RAB3IL1: variants seen among roughly 807,000 people sequenced by gnomAD.
The protein encoded by RAB3IL1 is RAB3A interacting protein like 1.
RAB3IL1 carries 37 observed loss-of-function variants against 49.2 expected under a neutral mutation model. The ratio of observed to expected loss-of-function variants is 0.75; its 90% CI spans 0.58 to 0.99. The LOEUF is 0.99. Ranked by LOEUF, RAB3IL1 falls within the 50% of genes least tolerant of loss-of-function variation. RAB3IL1 has a pLI of 0.00. For missense variants in RAB3IL1, 484 were observed against 513.0 expected (o/e 0.94, Z 0.55); for synonymous variants, 193 against 213.9 (o/e 0.90, Z 0.85).
At chr11:61,945,130 G>T in the RAB3IL1 span, among the ~76,000 whole-genome samples, 3 of 152,186 alleles carry the variant, frequency 2.0e-5, no homozygotes, top group African/African-American at 7.2e-5. Flanking sequence ...TCAGCCCATT[G>T]ACCTGACAGA....
the RAB3IL1 span, among the ~76,000 whole-genome samples, chr11:61,941,745 C>T: frequency 1.3e-5 from 2 of 151,766 alleles, no homozygotes; most frequent in African/African-American, 4.8e-5. Flanking sequence ...GAGCAAGACT[C>T]TGTCTCAAAA....
intron 1 of RAB3IL1, among the ~76,000 whole-genome samples, chr11:61,914,151 G>A (rs1939580223): frequency 6.6e-6 from 1 of 152,230 alleles, no homozygotes; most frequent in Non-Finnish European, 1.5e-5. Context: ...TTACAGGCAG[G>A]AGCCCACAGA....
Position 61,907,644 on chromosome 11 carries a change from T to A in RAB3IL1, c.281A>T (p.Asp94Val). 6.2e-7 allele frequency: 1 copy of A among 1,613,930 alleles called. No homozygotes were observed. Among genetic ancestry groups the A allele is most frequent in the Non-Finnish European group, 8.5e-7 (1 of 1,179,984 alleles). ...HRAQKELKLK[D>V]EECERLSKVR... is the part of the protein sequence containing the mutation. ...CTTGGACAGCCGCTCACATTCCTCG[T>A]CCTTTAGCTTCAGCTCCTGGAGGAA... The change falls in exon 3 of 10, where the codon GAC becomes GTC. Residue 94 changes from aspartate (D) to valine (V), a missense_variant. Transcript: ENST00000394836.
chr11:61,939,480 A>T, the RAB3IL1 span, among the ~76,000 whole-genome samples: 2 of 152,140 alleles, frequency 1.3e-5, no homozygotes, highest in African/African-American at 4.8e-5. Context: ...AAAGTAGAAT[A>T]AACTAAACCC....
At chr11:61,902,663 C>T in intron 7 of RAB3IL1, 122 bp from the exon 8 acceptor site, 1 of 892,726 alleles carries the variant, frequency 1.1e-6, no homozygotes, top group Non-Finnish European at 1.7e-6. Context: ...CTCCCTTCCC[C>T]CACCCGGCTT....
intron 1 of RAB3IL1, among the ~76,000 whole-genome samples, chr11:61,910,851 G>C (rs1044295719): frequency 6.6e-6 from 1 of 152,236 alleles, no homozygotes; most frequent in African/African-American, 2.4e-5. Flanking sequence ...AGGCTGGGCT[G>C]GGGGCTGCTC....
chr11:61,934,444 G>GTATGTGTA, the RAB3IL1 span, among the ~76,000 whole-genome samples: 63 of 83,654 alleles, frequency 7.5e-4, no homozygotes, highest in African/African-American at 6.9e-4. Context: ...GTGTGTGTGT[G>GTATGTGTA]TGTATGTATA....
At position 61,902,422 on chromosome 11, in the gene RAB3IL1, G is replaced by A. The variant is rs779084807; in HGVS notation, c.999+20C>T. On this transcript the variant is annotated intron_variant, in intron 8 of 9. Coordinates refer to ENST00000394836, the MANE Select transcript of RAB3IL1 (RefSeq NM_013401.4). ...GGTGGCCCCAAAGGAGTCAAGTAAC[G>A]CTTGCAAAGGCTGACTCACCCTGGC... is the stretch of plus-strand genomic sequence containing the variant. The A allele has an allele frequency of 4.5e-6, 7 of 1,570,354 alleles. No homozygotes were observed. Among genetic ancestry groups the A allele is most frequent in the Middle Eastern group, 1.7e-4 (1 of 6,004 alleles).
the RAB3IL1 span, among the ~76,000 whole-genome samples, chr11:61,946,185 G>A: frequency 6.6e-6 from 1 of 152,022 alleles, no homozygotes; most frequent in Non-Finnish European, 1.5e-5. Context: ...GAGGGGTGTG[G>A]GCTGGCAGGT....
chr11:61,909,683 G>C (rs1939372763), intron 1 of RAB3IL1, among the ~76,000 whole-genome samples: 1 of 152,234 alleles, frequency 6.6e-6, no homozygotes, highest in African/African-American at 2.4e-5. Context: ...CCTGTTTGGG[G>C]AAGTCTTGTT....
intron 7 of RAB3IL1, 141 bp downstream of exon 7, chr11:61,904,405 C>T: frequency 1.1e-6 from 1 of 869,676 alleles, no homozygotes; most frequent in Non-Finnish European, 1.9e-6. Context: ...ACCTGCCAAA[C>T]TGCCTCCTTG....
At chr11:61,934,433 T>TGG in the RAB3IL1 span, among the ~76,000 whole-genome samples, 1 of 17,478 alleles carries the variant, frequency 5.7e-5, no homozygotes, top group African/African-American at 1.7e-4. Flanking sequence ...TGTATGTGTG[T>TGG]GTGTGTGTGT....
At chr11:61,910,348 C>A (rs1351176310) in intron 1 of RAB3IL1, among the ~76,000 whole-genome samples, 1 of 152,228 alleles carries the variant, frequency 6.6e-6, no homozygotes, top group Admixed American at 6.5e-5. Context: ...ACTGGCTTCT[C>A]AGACTCTGCG....
At chr11:61,942,518 C>T in the RAB3IL1 span, among the ~76,000 whole-genome samples, 3 of 152,164 alleles carry the variant, frequency 2.0e-5, no homozygotes, top group African/African-American at 7.2e-5. Context: ...AAACAATTCT[C>T]CCTCCTTGGT....
At position 61,917,409 on chromosome 11, in the gene RAB3IL1, C is replaced by A. The variant is rs1329173263; in HGVS notation, c.-42G>T. ...GCCCAGGCGTCCGTTCCCAGCGCCG[C>A]CGCGTCCTCCCAGCGCCGCGTCCCC... On this transcript the variant is annotated 5_prime_UTR_variant, in exon 1 of 10. Transcript: ENST00000394836. 7 of 1,218,890 alleles carry A rather than the reference C, an allele frequency of 5.7e-6. No homozygotes were observed. Among genetic ancestry groups the A allele is most frequent in the Non-Finnish European group, 6.1e-6 (6 of 981,754 alleles). 75.5% of individuals were successfully genotyped at this position (1,218,890 alleles called of 1,614,324 possible). A position where few individuals can be genotyped will look rare whatever the true frequency, so the allele number is the denominator to read the frequency against.
chr11:61,902,508 G>A lies in RAB3IL1; in HGVS notation c.933C>T (p.Cys311=). 1 of 1,603,934 alleles carries A rather than the reference G, an allele frequency of 6.2e-7. No individual in the cohort carries two copies. The highest frequency in any genetic ancestry group is 8.5e-7 in the Non-Finnish European group (1 of 1,176,848). ...AGTCCCCGAGCCGGATTCGGTGGCG[G>A]CAGGTGCGGGTCAGCCCGCTCAGGG... ...TCALSGLTRT[C]RHRIRLGDSK... Residue 311 remains cysteine (C), a synonymous_variant, in exon 8 of 10, where the codon TGC becomes TGT. Transcript: ENST00000394836.
the RAB3IL1 span, among the ~76,000 whole-genome samples, chr11:61,946,172 A>T: frequency 6.6e-5 from 10 of 152,134 alleles, no homozygotes; most frequent in African/African-American, 2.4e-4. Context: ...GACTGGCCCA[A>T]GAGAGGGGTG....
Position 61,917,382 on chromosome 11 carries a change from G to A in RAB3IL1, c.-15C>T. The A allele has an allele frequency of 8.0e-7, 1 of 1,243,300 alleles. No individual in the cohort carries two copies. 77.0% of individuals were successfully genotyped at this position (1,243,300 alleles called of 1,614,324 possible). On this transcript the variant is annotated 5_prime_UTR_variant, in exon 1 of 10. Coordinates refer to ENST00000394836, the MANE Select transcript of RAB3IL1 (RefSeq NM_013401.4). ...CCGCTCCACATCCCGGCGCCTCGGG[G>A]CGCCCAGGCGTCCGTTCCCAGCGCC... is the stretch of plus-strand genomic sequence containing the variant.
the RAB3IL1 span, among the ~76,000 whole-genome samples, chr11:61,934,188 G>A: frequency 1.3e-5 from 2 of 151,562 alleles, no homozygotes; most frequent in African/African-American, 4.8e-5. Context: ...TTGTCATCCA[G>A]GTTGGAGTGC....
Sources: gnomAD v4.1 joint callset for allele counts (sites outside exome capture counted in the v4.1 genomes callset) on GRCh38, gnomAD v4.1.1 for gene constraint, MANE v1.5 for transcripts, NCBI Gene and HGNC (gene_info 2026-07-23, HGNC 2026-07-21) for gene names.